The following TOPBP1 variants were observed in gnomAD, a reference collection of about 807,000 sequenced individuals.
TOPBP1 encodes DNA topoisomerase II binding protein 1.
A neutral mutation model predicts 167.7 loss-of-function variants in TOPBP1; 28 were observed. The observed-to-expected ratio is 0.17, with a 90% CI of 0.12 to 0.23. The LOEUF (loss-of-function observed/expected upper bound fraction) is 0.23. TOPBP1 is among the 10% of genes least tolerant of loss of function. The pLI is 1.00. For synonymous variants in TOPBP1, 598 were observed against 611.4 expected (o/e 0.98, Z 0.32); for missense variants, 1,554 against 1,809.6 (o/e 0.86, Z 2.56).
chr3:133,617,291 C>T lies in TOPBP1; in HGVS notation c.3628G>A (p.Ala1210Thr). The stretch of plus-strand genomic sequence containing the variant: ...TCTTCAGAGATTGGGTGTTTGGGAG[C>T]TTCAGTCACACGTATGTTTCCAGGA... ...CDPGNIRVTE[A>T]PKHPISEELE... is the part of the protein sequence containing the mutation. Residue 1210 changes from alanine (A) to threonine (T), a missense_variant, in exon 22 of 28, where the codon GCT becomes ACT. Ala to Thr is a moderately conservative substitution (Grantham distance 58). Coordinates refer to ENST00000260810, the MANE Select transcript of TOPBP1 (RefSeq NM_007027.4). The T allele has an allele frequency of 5.0e-6, 8 of 1,612,964 alleles. No individual in the cohort carries two copies. The highest frequency in any genetic ancestry group is 6.8e-6 in the Non-Finnish European group (8 of 1,179,508).
chr3:133,625,857 A>G (rs1051246582), intron 16 of TOPBP1, among the ~76,000 whole-genome samples: 1 of 152,178 alleles, frequency 6.6e-6, no homozygotes, highest in Non-Finnish European at 1.5e-5. Context: ...CACCTTGCCT[A>G]ATTTGTTAGT....
At chr3:133,629,117 G>T (rs778312294) in intron 14 of TOPBP1, among the ~76,000 whole-genome samples, 7 of 151,366 alleles carry the variant, frequency 4.6e-5, no homozygotes, top group Non-Finnish European at 1.0e-4. Context: ...ATCAAGAAAT[G>T]GATTATAAGG....
intron 7 of TOPBP1, 46 bp downstream of exon 7, chr3:133,653,299 A>G (rs1335801316): frequency 2.0e-6 from 3 of 1,484,540 alleles, no homozygotes; most frequent in Admixed American, 4.9e-5. Context: ...TTACATAGAA[A>G]TATGACTGTC....
chr3:133,602,364 C>T (rs1934333913), intron 27 of TOPBP1, among the ~76,000 whole-genome samples: 1 of 152,154 alleles, frequency 6.6e-6, no homozygotes, highest in Admixed American at 6.5e-5. Flanking sequence ...AATTGATCCC[C>T]AATCAACCTG....
At chr3:133,609,838 G>A (rs531695255) in intron 25 of TOPBP1, among the ~76,000 whole-genome samples, 37 of 152,266 alleles carry the variant, frequency 2.4e-4, no homozygotes, top group East Asian at 7.7e-4. Flanking sequence ...GCGTGAGAAC[G>A]AACTAATACA....
At chr3:133,657,140 CAT>C (rs1277864197) in intron 4 of TOPBP1, among the ~76,000 whole-genome samples, 1 of 150,834 alleles carries the variant, frequency 6.6e-6, no homozygotes, top group Non-Finnish European at 1.5e-5. Context: ...TATAAATATA[CAT>C]GTGTATTTTT....
chr3:133,623,381 C>T lies in TOPBP1; in HGVS notation c.3005G>A (p.Ser1002Asn). ...ACAGAGCCGGCCATCTTGCACTGCG[C>T]TGATATCCAAGCTCATTTTGGGATT... Reference protein sequence around the residue: ...TYNPKMSLDISAVQDGRLCNS... With the variant: ...TYNPKMSLDINAVQDGRLCNS... The change falls in exon 18 of 28, where the codon AGC becomes AAC. Residue 1002 changes from serine (S) to asparagine (N), a missense_variant. Ser to Asn is a conservative substitution (Grantham distance 46, BLOSUM62 1). Transcript: ENST00000260810. The T allele has an allele frequency of 1.9e-6, 3 of 1,613,364 alleles. No homozygotes were observed. The highest frequency in any genetic ancestry group is 1.7e-6 in the Non-Finnish European group (2 of 1,179,626).
intron 10 of TOPBP1, among the ~76,000 whole-genome samples, chr3:133,645,493 AAC>A (rs1277225541): frequency 6.6e-6 from 1 of 152,226 alleles, no homozygotes; most frequent in East Asian, 1.9e-4. Context: ...AAGTTTTTTA[AAC>A]AGTTTTGTTA....
At position 133,657,944 on chromosome 3, in the gene TOPBP1, AC is replaced by A; in HGVS notation, c.220-4del. 6.5e-7 allele frequency: 1 copy of A among 1,544,024 alleles called. No homozygotes were observed. On this transcript the variant is annotated splice_polypyrimidine_tract_variant and splice_region_variant and intron_variant, in intron 3 of 27. Transcript: ENST00000260810. ...GGACCAACAATTCTGCAGCCAAGCT[AC>A]AAAAAAGAGAAAAGTTTAAATGAGT...
chr3:133,661,001 C>G (rs1298105538), intron 2 of TOPBP1, 43 bp downstream of exon 2: 9 of 1,436,488 alleles, frequency 6.3e-6, no homozygotes, highest in Non-Finnish European at 5.6e-6. Flanking sequence ...CACTTAAAAA[C>G]AAGAAAATGA....
chr3:133,622,951 A>C, intron 19 of TOPBP1, 140 bp downstream of exon 19: 1 of 532,050 alleles, frequency 1.9e-6, no homozygotes, highest in Non-Finnish European at 3.3e-6. Flanking sequence ...AGCTGGGTGC[A>C]GTGGCTCACA....
chr3:133,638,422 G>A (rs1426435055), intron 13 of TOPBP1, among the ~76,000 whole-genome samples: 1 of 152,048 alleles, frequency 6.6e-6, no homozygotes, highest in Non-Finnish European at 1.5e-5. Flanking sequence ...AGTTAGACAA[G>A]CACATTAACT....
Position 133,616,933 on chromosome 3 carries a change from G to T in TOPBP1, c.3760-8C>A, listed in dbSNP as rs1258380652. On this transcript the variant is annotated splice_polypyrimidine_tract_variant and splice_region_variant and intron_variant, in intron 22 of 27. Coordinates refer to ENST00000260810, the MANE Select transcript of TOPBP1 (RefSeq NM_007027.4). ...CTCCTCTATCGTTATAATCTGGAATGAAAGTTTTACTTTAGAAAAAATTAA... is the reference window on the plus strand; with the variant it reads ...CTCCTCTATCGTTATAATCTGGAATTAAAGTTTTACTTTAGAAAAAATTAA... The T allele has an allele frequency of 6.8e-7, 1 of 1,469,196 alleles. No individual in the cohort carries two copies. Among genetic ancestry groups the T allele is most frequent in the Non-Finnish European group, 9.1e-7 (1 of 1,104,586 alleles). 91.0% of individuals were successfully genotyped at this position (1,469,196 alleles called of 1,614,324 possible). A position where few individuals can be genotyped will look rare whatever the true frequency, so the allele number is the denominator to read the frequency against.
intron 8 of TOPBP1, among the ~76,000 whole-genome samples, chr3:133,652,246 A>G (rs766860651): frequency 1.3e-5 from 2 of 152,222 alleles, no homozygotes; most frequent in Non-Finnish European, 2.9e-5. Context: ...AAAACCTGAA[A>G]TGAACTTTTA....
chr3:133,602,881 T>A (rs1307368051), intron 27 of TOPBP1, among the ~76,000 whole-genome samples: 1 of 150,786 alleles, frequency 6.6e-6, no homozygotes, highest in African/African-American at 2.4e-5. Context: ...GCAAGAGATC[T>A]ACCTTTTTTC....
At position 133,656,887 on chromosome 3, in the gene TOPBP1, C is replaced by A. The variant is rs776422241; in HGVS notation, c.364-30G>T. On this transcript the variant is annotated intron_variant, in intron 4 of 27. Transcript: ENST00000260810. ...AGCCCCAAAAGAGAACACATTAATG[C>A]TGAAGCAAACAATATTGCTTCCACT... 2.7e-6 allele frequency: 4 copies of A among 1,483,372 alleles called. No homozygotes were observed. The African/African-American group carries it at 4.3e-5, about 16-fold the overall frequency. The allele number at this position is 1,483,372 out of a possible 1,614,324, so 91.9% of individuals were successfully genotyped here. A position where few individuals can be genotyped will look rare whatever the true frequency, so the allele number is the denominator to read the frequency against.
At position 133,628,700 on chromosome 3, in the gene TOPBP1, G is replaced by C; in HGVS notation, c.2554C>G (p.Pro852Ala). The C allele has an allele frequency of 6.4e-7, 1 of 1,554,540 alleles. No individual in the cohort carries two copies. Among genetic ancestry groups the C allele is most frequent in the African/African-American group, 1.4e-5 (1 of 73,306 alleles). The change falls in exon 15 of 28, where the codon CCC becomes GCC. Residue 852 changes from proline to alanine, a missense_variant. Coordinates refer to ENST00000260810, the MANE Select transcript of TOPBP1 (RefSeq NM_007027.4). Reference sequence around the variant, plus strand: ...CTCGGTTTCCTTTTCTGTTGGCTGGGACGTCCTGGAGTTTCCAAGGCTGCA... The same window carrying C: ...CTCGGTTTCCTTTTCTGTTGGCTGGCACGTCCTGGAGTTTCCAAGGCTGCA... ...ALAALETPGR[P>A]SQQKRKPSTP...
In TOPBP1 at chr3:133,620,286, A is replaced by G. The variant is rs1935041877; in HGVS notation, c.3240T>C (p.Ser1080=). 6.2e-7 allele frequency: 1 copy of G among 1,613,888 alleles called. No homozygotes were observed. Among genetic ancestry groups the G allele is most frequent in the Admixed American group, 1.7e-5 (1 of 59,990 alleles). Residue 1080 remains serine (S), a synonymous_variant, in exon 20 of 28, where the codon TCT becomes TCC. Coordinates refer to ENST00000260810, the MANE Select transcript of TOPBP1 (RefSeq NM_007027.4). The part of the protein sequence containing the change: ...NFQKQLQEIM[S]ATSIVKPQGQ... ...CTTGGGGTTTCACTATTGATGTTGC[A>G]GACATTATCTCCTGTAACTGCTTCT...
At chr3:133,647,125 A>G (rs1936102107) in intron 10 of TOPBP1, among the ~76,000 whole-genome samples, 2 of 152,178 alleles carry the variant, frequency 1.3e-5, no homozygotes, top group South Asian at 4.1e-4. Context: ...TAGTAAACAG[A>G]CCAAAACTAA....
Sources: allele counts gnomAD v4.1 joint callset (sites outside exome capture counted in the v4.1 genomes callset), GRCh38; gene constraint gnomAD v4.1.1; transcripts MANE v1.5; gene names NCBI Gene and HGNC (gene_info 2026-07-23, HGNC 2026-07-21).